The following ADAMTS19 variants were observed in gnomAD, a reference collection of about 807,000 sequenced individuals.
ADAMTS19 encodes A disintegrin and metalloproteinase with thrombospondin motifs 19.
ADAMTS19 carries 93 observed loss-of-function variants against 153.3 expected under a neutral mutation model. The observed-to-expected ratio is 0.61, with a 90% confidence interval of 0.51 to 0.72. ADAMTS19 has a LOEUF of 0.72. Among genes scored for constraint, ADAMTS19 ranks in the 30% least tolerant of loss-of-function variants. ADAMTS19 has a pLI of 0.00. For synonymous variants in ADAMTS19, 600 were observed against 556.6 expected (o/e 1.08, Z -1.10); for missense variants, 1,482 against 1,552.1 (o/e 0.95, Z 0.76).
chr5:129,622,681 T>A (rs534477343), intron 10 of ADAMTS19, among the ~76,000 whole-genome samples: 1 of 152,256 alleles, frequency 6.6e-6, no homozygotes, highest in African/African-American at 2.4e-5. Context: ...AGGAATTGGT[T>A]TCAGTACCCA....
chr5:129,645,157 T>A (rs542897226), intron 11 of ADAMTS19, among the ~76,000 whole-genome samples: 352 of 152,334 alleles, frequency 2.3e-3, no homozygotes, highest in Non-Finnish European at 4.0e-3. Flanking sequence ...TGGTCTATAT[T>A]ACATAATCCC....
chr5:129,524,713 T>C (rs1751943786), intron 3 of ADAMTS19, among the ~76,000 whole-genome samples: 1 of 150,942 alleles, frequency 6.6e-6, no homozygotes, highest in Non-Finnish European at 1.5e-5. Flanking sequence ...TGTACACCTA[T>C]GTAACAAACC....
intron 10 of ADAMTS19, among the ~76,000 whole-genome samples, chr5:129,634,048 T>G (rs1752425196): frequency 6.6e-6 from 1 of 152,154 alleles, no homozygotes; most frequent in Non-Finnish European, 1.5e-5. Context: ...ATGATATGTT[T>G]TTCCAGTTGG....
intron 22 of ADAMTS19, 66 bp downstream of exon 22, chr5:129,735,175 G>C (rs1051252054): frequency 7.2e-7 from 1 of 1,395,434 alleles, no homozygotes; most frequent in African/African-American, 1.5e-5. Flanking sequence ...CTTGTATTTT[G>C]TATATTACTT....
At chr5:129,523,253 T>C (rs542038545) in intron 3 of ADAMTS19, among the ~76,000 whole-genome samples, 89 of 152,194 alleles carry the variant, frequency 5.8e-4, no homozygotes, top group African/African-American at 2.0e-3. Context: ...TAAAGATAGA[T>C]TAGAACTGTG....
intron 3 of ADAMTS19, among the ~76,000 whole-genome samples, chr5:129,522,446 T>G (rs1751857945): frequency 6.7e-6 from 1 of 148,452 alleles, no homozygotes; most frequent in African/African-American, 2.5e-5. Flanking sequence ...GTGATTCTGA[T>G]TCAGATGGCT....
At chr5:129,696,621 G>T (rs1471674138) in intron 19 of ADAMTS19, among the ~76,000 whole-genome samples, 1 of 152,116 alleles carries the variant, frequency 6.6e-6, no homozygotes, top group Non-Finnish European at 1.5e-5. Flanking sequence ...AGGTGACTGG[G>T]TTACAGCTTG....
At chr5:129,607,404 G>T (rs1750954301) in intron 8 of ADAMTS19, among the ~76,000 whole-genome samples, 1 of 152,036 alleles carries the variant, frequency 6.6e-6, no homozygotes, top group East Asian at 1.9e-4. Flanking sequence ...GAATGTATTA[G>T]ACATCATAAG....
Position 129,657,720 on chromosome 5 carries a change from C to G in ADAMTS19, c.2305-897C>G, listed in dbSNP as rs564847914. On this transcript the variant is annotated intron_variant, in intron 14 of 22. Transcript: ENST00000274487. ...AAAGGAGATAGGGATGGATAAACTA[C>G]AGTTGATTCATGAACTGTAGTAAAA... Among the ~76,000 whole-genome samples the G allele has an allele frequency of 1.3e-5, 2 of 152,166 alleles. 1 individual carries two copies. Among genetic ancestry groups the G allele is most frequent in the South Asian group, 4.1e-4 (2 of 4,828 alleles).
chr5:129,460,299 G>C lies in ADAMTS19; in HGVS notation c.-93G>C. The stretch of plus-strand genomic sequence containing the variant: ...AGGGCCTGGGCAAATTCGCCGCCCG[G>C]CCTCCTAGCGCTCCGGGGAGGCCGC... On this transcript the variant is annotated 5_prime_UTR_variant, in exon 1 of 23. Coordinates refer to ENST00000274487, the MANE Select transcript of ADAMTS19 (RefSeq NM_133638.6). The C allele has an allele frequency of 1.4e-6, 1 of 704,562 alleles. No homozygotes were observed. The highest frequency in any genetic ancestry group is 2.1e-6 in the Non-Finnish European group (1 of 473,810). The allele number at this position is 704,562 out of a possible 1,614,324, so 43.6% of individuals were successfully genotyped here. A position where few individuals can be genotyped will look rare whatever the true frequency, so the allele number is the denominator to read the frequency against.
chr5:129,666,131 T>A (rs1412039660), intron 16 of ADAMTS19, among the ~76,000 whole-genome samples: 3 of 151,870 alleles, frequency 2.0e-5, no homozygotes, highest in African/African-American at 7.2e-5. Flanking sequence ...AAAACATTTT[T>A]AAATTTTTAA....
Position 129,461,844 on chromosome 5 carries a change from C to T in ADAMTS19, c.747+87C>T. ...TCAGGATGATTTGCATGCACCTTCT[C>T]CCCTTTCAGTGTGCTCCTTTTGAGC... On this transcript the variant is annotated intron_variant, in intron 2 of 22. Transcript: ENST00000274487. The surrounding 1 kb of genome is among the most constrained non-coding windows in gnomAD (Gnocchi z 4.6). 1 of 1,437,084 alleles carries T rather than the reference C, an allele frequency of 7.0e-7. No individual in the cohort carries two copies. The highest frequency in any genetic ancestry group is 9.1e-7 in the Non-Finnish European group (1 of 1,102,934). 89.0% of individuals were successfully genotyped at this position (1,437,084 alleles called of 1,614,324 possible).
chr5:129,547,270 C>A (rs1259026625), intron 6 of ADAMTS19, among the ~76,000 whole-genome samples: 1 of 150,342 alleles, frequency 6.7e-6, no homozygotes, highest in South Asian at 2.1e-4. Context: ...CCTGGGTAGC[C>A]TCTGGAAGCT....
At chr5:129,477,240 C>G (rs761561875) in intron 2 of ADAMTS19, among the ~76,000 whole-genome samples, 3 of 152,114 alleles carry the variant, frequency 2.0e-5, no homozygotes, top group Non-Finnish European at 4.4e-5. Context: ...CAGAGGGAAA[C>G]AGCCAAGTAT....
chr5:129,500,157 G>C (rs1482220469), intron 2 of ADAMTS19, among the ~76,000 whole-genome samples: 3 of 152,102 alleles, frequency 2.0e-5, no homozygotes, highest in African/African-American at 7.2e-5. Flanking sequence ...TCAGCCACAT[G>C]CCCTCCGCAT....
chr5:129,673,508 G>T (rs1039109945), intron 16 of ADAMTS19, among the ~76,000 whole-genome samples: 15 of 152,072 alleles, frequency 9.9e-5, no homozygotes, highest in African/African-American at 3.1e-4. Context: ...TCTGATAAGA[G>T]AATATATTCA....
intron 18 of ADAMTS19, among the ~76,000 whole-genome samples, chr5:129,685,785 G>T (rs921619796): frequency 6.6e-6 from 1 of 152,080 alleles, no homozygotes; most frequent in African/African-American, 2.4e-5. Context: ...TTGCCAATGT[G>T]CATTTTTAAG....
chr5:129,688,906 A>C (rs923668599), intron 18 of ADAMTS19, among the ~76,000 whole-genome samples: 2 of 152,196 alleles, frequency 1.3e-5, no homozygotes, highest in African/African-American at 2.4e-5. Flanking sequence ...GGCATCTCAG[A>C]AGTGTGGATC....
At chr5:129,654,769 G>A (rs566022764) in intron 14 of ADAMTS19, among the ~76,000 whole-genome samples, 1 of 152,110 alleles carries the variant, frequency 6.6e-6, no homozygotes, top group Non-Finnish European at 1.5e-5. Context: ...AAGCACTCTA[G>A]TTCTCCATGC....
Sources: gnomAD v4.1 joint callset for allele counts (sites outside exome capture counted in the v4.1 genomes callset) on GRCh38, gnomAD v4.1.1 for gene constraint, Gnocchi (gnomAD v3.1) non-coding constraint, MANE v1.5 for transcripts, NCBI Gene and HGNC (gene_info 2026-07-23, HGNC 2026-07-21) for gene names.